The following SLC9A3 variants were observed in gnomAD, a reference collection of about 807,000 sequenced individuals.
The protein encoded by SLC9A3 is solute carrier family 9 member A3.
A neutral mutation model predicts 86.8 loss-of-function variants in SLC9A3; 37 were observed. That is an observed-to-expected ratio of 0.43 (90% confidence interval 0.33 to 0.56). The LOEUF (loss-of-function observed/expected upper bound fraction) is 0.56. Among genes scored for constraint, SLC9A3 ranks in the 20% least tolerant of loss-of-function variants. SLC9A3 has a pLI of 0.06. For synonymous variants in SLC9A3, 581 were observed against 528.3 expected, an observed-to-expected ratio of 1.10 and a Z score of -1.37; for missense variants, 1,011 against 1,171.9, an observed-to-expected ratio of 0.86 and a Z score of 2.00.
In SLC9A3 at chr5:476,281, G is replaced by T. The variant is rs1166844245; in HGVS notation, c.1988C>A (p.Ser663Tyr). The T allele has an allele frequency of 1.2e-6, 2 of 1,613,896 alleles. No individual in the cohort carries two copies. The highest frequency in any genetic ancestry group is 2.2e-5 in the East Asian group (1 of 44,888). ...FHRTMRKRLE[S>Y]FKSTKLGLNQ... ...GAGCCCCAGCTTGGTCGACTTGAAG[G>T]ACTCCAGGCGCTTCCGCATGGTCCT... Residue 663 changes from serine (S) to tyrosine (Y), a missense_variant, in exon 13 of 17, where the codon TCC becomes TAC. By Grantham distance (144) the Ser-to-Tyr change is moderately radical. Transcript: ENST00000264938.
chr5:498,287 G>C (rs1297047334), intron 1 of SLC9A3, among the ~76,000 whole-genome samples: 1 of 152,066 alleles, frequency 6.6e-6, no homozygotes, highest in Middle Eastern at 3.2e-3. Flanking sequence ...CTCACATTCC[G>C]GCCATTTCCG....
At chr5:503,758 T>C (rs1740413498) in intron 1 of SLC9A3, among the ~76,000 whole-genome samples, 1 of 152,264 alleles carries the variant, frequency 6.6e-6, no homozygotes, top group African/African-American at 2.4e-5. Context: ...TTTCCATCTG[T>C]ATAATGTGTG....
Position 475,614 on chromosome 5 carries a change from C to A in SLC9A3, c.2198G>T (p.Gly733Val), listed in dbSNP as rs1455435828. 1.3e-6 allele frequency: 2 copies of A among 1,552,694 alleles called. No individual in the cohort carries two copies. The highest frequency in any genetic ancestry group is 2.4e-5 in the East Asian group (1 of 41,114). Reference protein sequence around the residue: ...PPNYDEEMSGGIEFLASVTKD... With the variant: ...PPNYDEEMSGVIEFLASVTKD... Reference sequence around the variant, plus strand: ...GGTGACACTAGCCAGGAACTCGATCCCCCCACTCATCTCCTCATCATAGTT... The same window carrying A: ...GGTGACACTAGCCAGGAACTCGATCACCCCACTCATCTCCTCATCATAGTT... The change falls in exon 15 of 17, where the codon GGG becomes GTG. Residue 733 changes from glycine (G) to valine (V), a missense_variant. Coordinates refer to ENST00000264938, the MANE Select transcript of SLC9A3 (RefSeq NM_004174.4).
chr5:489,637 G>A (rs1357435853), intron 2 of SLC9A3, among the ~76,000 whole-genome samples: 2 of 152,206 alleles, frequency 1.3e-5, no homozygotes, highest in South Asian at 2.1e-4. Flanking sequence ...CAGCGTTCAG[G>A]GAGTTAAAGT....
At chr5:485,391 G>A (rs1206955124) in intron 3 of SLC9A3, among the ~76,000 whole-genome samples, 160 bp from the exon 4 acceptor site, 1 of 152,364 alleles carries the variant, frequency 6.6e-6, no homozygotes, top group South Asian at 2.1e-4. Context: ...AAGGGGAGAA[G>A]CCCAGAGCCC....
intron 1 of SLC9A3, among the ~76,000 whole-genome samples, chr5:507,140 A>G (rs1311357798): frequency 7.0e-6 from 1 of 142,490 alleles, no homozygotes; most frequent in Non-Finnish European, 1.5e-5. Flanking sequence ...TGGGTCAGGT[A>G]AGAAGGAGGG....
chr5:490,369 C>G (rs1456045371), intron 2 of SLC9A3, among the ~76,000 whole-genome samples: 4 of 151,998 alleles, frequency 2.6e-5, no homozygotes, highest in Non-Finnish European at 5.9e-5. Context: ...GGGGTGACGT[C>G]CTGGTGTGGG....
Position 518,198 on chromosome 5 carries a change from G to A in SLC9A3, c.211+5914C>T, listed in dbSNP as rs2126658215. Among the ~76,000 whole-genome samples, 2 of 152,252 alleles carry A rather than the reference G, an allele frequency of 1.3e-5. 1 individual carries two copies. Among genetic ancestry groups the A allele is most frequent in the East Asian group, 3.9e-4 (2 of 5,180 alleles). On this transcript the variant is annotated intron_variant, in intron 1 of 16. Coordinates refer to ENST00000264938, the MANE Select transcript of SLC9A3 (RefSeq NM_004174.4). ...TGTCCTCAGGAGCTCAGAGGAGGAA[G>A]GCTCCGAGCTCAGGAAAGGTGGAGC...
intron 3 of SLC9A3, among the ~76,000 whole-genome samples, chr5:485,513 C>T (rs1739423125): frequency 6.6e-6 from 1 of 152,266 alleles, no homozygotes; most frequent in Non-Finnish European, 1.5e-5. Context: ...GCAAAGCTCC[C>T]TGCCACTTGA....
At chr5:515,030 C>T (rs1733682735) in intron 1 of SLC9A3, among the ~76,000 whole-genome samples, 1 of 152,184 alleles carries the variant, frequency 6.6e-6, no homozygotes, top group South Asian at 2.1e-4. Context: ...CAAAGGCCGC[C>T]CTCCAGGGAC....
intron 12 of SLC9A3, 23 bp downstream of exon 12, chr5:476,520 A>G (rs1348504336): frequency 1.2e-5 from 19 of 1,607,058 alleles, no homozygotes; most frequent in Non-Finnish European, 4.2e-6. Flanking sequence ...GGGGTCCTCC[A>G]GCCCCCAGCC....
Position 507,370 on chromosome 5 carries a change from T to G in SLC9A3, c.212-15299A>C, listed in dbSNP as rs200050847. ...TTTTAGTAGAGACGGGGTTTCACCG[T>G]TTTTTTTTTCTTAAATAGTGTCTAG... is the stretch of plus-strand genomic sequence containing the variant. On this transcript the variant is annotated intron_variant, in intron 1 of 16. Transcript: ENST00000264938. 3.6e-3 allele frequency among the ~76,000 whole-genome samples: 381 copies of G among 105,710 alleles called. 3 individuals are homozygous for G. The highest frequency in any genetic ancestry group is 0.028 in the South Asian group (99 of 3,590). The allele number at this position is 105,710 out of a possible 152,430, so 69.3% of individuals were successfully genotyped here.
At position 475,589 on chromosome 5, in the gene SLC9A3, G is replaced by C. The variant is rs142689247; in HGVS notation, c.2223C>G (p.Thr741=). ...SGGIEFLASV[T]KDTASDSPAG... The stretch of plus-strand genomic sequence containing the variant: ...CAGGGGAGTCGGACGCTGTGTCCTT[G>C]GTGACACTAGCCAGGAACTCGATCC... The change falls in exon 15 of 17, where the codon ACC becomes ACG. Residue 741 remains threonine, a synonymous_variant. Transcript: ENST00000264938. The C allele has an allele frequency of 4.5e-5, 70 of 1,551,148 alleles. No individual in the cohort carries two copies. In the African/African-American group the frequency reaches 9.6e-4, roughly 21 times the overall value.
rs1381605926 is a variant in SLC9A3, at chr5:485,222, T to C, written c.685A>G (p.Asn229Asp). The change falls in exon 4 of 17, where the codon AAT becomes GAT. Residue 229 changes from asparagine (N) to aspartate (D), a missense_variant. Coordinates refer to ENST00000264938, the MANE Select transcript of SLC9A3 (RefSeq NM_004174.4). The stretch of plus-strand genomic sequence containing the variant: ...AGCGCCACGAAAGATTCAAACACAT[T>C]GTACAGAACCTGCAGGGAAAACGGG... ...LNDAVTVVLY[N>D]VFESFVALGG... 1.2e-6 allele frequency: 2 copies of C among 1,613,658 alleles called. No homozygotes were observed. Among genetic ancestry groups the C allele is most frequent in the Non-Finnish European group, 1.7e-6 (2 of 1,179,936 alleles).
chr5:481,100 G>C (rs528508264), intron 9 of SLC9A3, among the ~76,000 whole-genome samples: 1 of 152,304 alleles, frequency 6.6e-6, no homozygotes, highest in East Asian at 1.9e-4. Flanking sequence ...ATGTTGGCTA[G>C]GCTGGTCTCA....
chr5:480,559 C>G (rs1446659788), intron 9 of SLC9A3: 1 of 153,416 alleles, frequency 6.5e-6, no homozygotes, highest in Non-Finnish European at 1.5e-5. Context: ...CCCGCGGCAG[C>G]AATGGCAGCT....
chr5:489,229 A>G (rs1359157354), intron 2 of SLC9A3, among the ~76,000 whole-genome samples: 1 of 152,102 alleles, frequency 6.6e-6, no homozygotes, highest in African/African-American at 2.4e-5. Context: ...CGCAGGGCTC[A>G]GAGGACACTG....
In SLC9A3 at chr5:496,332, GCCGCA is replaced by G. The variant is rs1438366618; in HGVS notation, c.212-4266_212-4262del. 1.3e-5 allele frequency among the ~76,000 whole-genome samples: 2 copies of G among 151,822 alleles called. No homozygotes were observed. The highest frequency in any genetic ancestry group is 2.9e-5 in the Non-Finnish European group (2 of 67,910). ...CGTCCCACCTGCCCACGGGGGAGGA[GCCGCA>G]CCCATCCCCACCGGCCAGGCAGGCG... On this transcript the variant is annotated intron_variant, in intron 1 of 16. Coordinates refer to ENST00000264938, the MANE Select transcript of SLC9A3 (RefSeq NM_004174.4). This position sits in a 1 kb window ranked among gnomAD's most constrained non-coding sequence, Gnocchi z 4.7.
rs1289869437 is a variant in SLC9A3 at position 473,140 on chromosome 5, GCT to G, written c.*237_*238del. 1 of 261,618 alleles carries G rather than the reference GCT, an allele frequency of 3.8e-6. No individual in the cohort carries two copies. Among genetic ancestry groups the G allele is most frequent in the Non-Finnish European group, 6.9e-6 (1 of 145,678 alleles). The allele number at this position is 261,618 out of a possible 1,614,324, so 16.2% of individuals were successfully genotyped here. A position where few individuals can be genotyped will look rare whatever the true frequency, so the allele number is the denominator to read the frequency against. On this transcript the variant is annotated 3_prime_UTR_variant, in exon 17 of 17. Transcript: ENST00000264938. ...GCGTGCGCACTCGGCAGCCCTCGGC[GCT>G]CCGGCCCCGCCCCCGGCGCAGGCCC...
Sources: allele counts gnomAD v4.1 joint callset (sites outside exome capture counted in the v4.1 genomes callset), GRCh38; gene constraint gnomAD v4.1.1; non-coding constraint Gnocchi (gnomAD v3.1); transcripts MANE v1.5; gene names NCBI Gene and HGNC (gene_info 2026-07-23, HGNC 2026-07-21).